NRP1: variants seen among roughly 807,000 people sequenced by gnomAD.
NRP1 encodes the protein neuropilin 1.
NRP1 carries 35 observed loss-of-function variants against 106.7 expected under a neutral mutation model. The ratio of observed to expected loss-of-function variants is 0.33; its 90% CI spans 0.25 to 0.43. The LOEUF (loss-of-function observed/expected upper bound fraction) is 0.43. NRP1 is among the 20% of genes least tolerant of loss of function. The pLI, the probability that NRP1 is intolerant of heterozygous loss-of-function variation, is 1.00. For missense variants in NRP1, 1,024 were observed against 1,170.4 expected (o/e 0.87, Z 1.83); for synonymous variants, 437 against 417.9 (o/e 1.05, Z -0.56).
At chr10:33,282,524 T>G (rs559109276) in intron 2 of NRP1, among the ~76,000 whole-genome samples, 56 of 152,166 alleles carry the variant, frequency 3.7e-4, no homozygotes, top group Non-Finnish European at 7.1e-4. Flanking sequence ...AAATTCTTAT[T>G]TTTTAAAGTT....
At chr10:33,309,711 C>A (rs1383783167) in intron 2 of NRP1, among the ~76,000 whole-genome samples, 1 of 152,210 alleles carries the variant, frequency 6.6e-6, no homozygotes, top group Non-Finnish European at 1.5e-5. Flanking sequence ...CACCCTCTAA[C>A]CTTAATCCAT....
At chr10:33,319,962 G>A (rs546308711) in intron 2 of NRP1, among the ~76,000 whole-genome samples, 1 of 151,444 alleles carries the variant, frequency 6.6e-6, no homozygotes. Flanking sequence ...GCTAGACCGC[G>A]AACCCACCGG....
intron 2 of NRP1, among the ~76,000 whole-genome samples, chr10:33,328,872 T>C (rs1848074913): frequency 6.6e-6 from 1 of 152,226 alleles, no homozygotes; most frequent in African/African-American, 2.4e-5. Flanking sequence ...AGTATTATAT[T>C]ACACGTATTG....
At chr10:33,199,363 T>TATATATATATATATATATATATA (rs57736461) in intron 11 of NRP1, among the ~76,000 whole-genome samples, 1 of 64,502 alleles carries the variant, frequency 1.6e-5, no homozygotes, top group East Asian at 1.6e-3. Flanking sequence ...TGCCTGGCTG[T>TATATATATATATATATATATATA]TTTCTATATA....
chr10:33,225,410 C>CCTGTGTTTTGCT (rs1839580797), intron 7 of NRP1, among the ~76,000 whole-genome samples: 1 of 152,198 alleles, frequency 6.6e-6, no homozygotes, highest in African/African-American at 2.4e-5. Flanking sequence ...TGCTCAGCCT[C>CCTGTGTTTTGCT]CAGGGCAAGC....
rs78567502 is a variant in NRP1 at position 33,267,319 on chromosome 10, A to C, written c.430+3356T>G. 1.5e-3 allele frequency among the ~76,000 whole-genome samples: 225 copies of C among 152,290 alleles called. 4 individuals carry two copies. The East Asian group carries it at 0.039, about 27-fold the overall frequency. ...GAATACAACACAGGAGATGAGCAGG[A>C]GTGAGGCCAACAGCCCTGGGTGCCT... On this transcript the variant is annotated intron_variant, in intron 3 of 16. Transcript: ENST00000374867.
intron 6 of NRP1, among the ~76,000 whole-genome samples, chr10:33,250,830 G>A (rs999052988): frequency 1.3e-5 from 2 of 152,204 alleles, no homozygotes; most frequent in African/African-American, 2.4e-5. Flanking sequence ...TAAAGGATTA[G>A]TGTCGTATGA....
chr10:33,246,878 G>C (rs955451220), intron 6 of NRP1, among the ~76,000 whole-genome samples: 1 of 152,084 alleles, frequency 6.6e-6, no homozygotes, highest in Non-Finnish European at 1.5e-5. Context: ...GTATGCTCTG[G>C]ATCAGTCAAT....
chr10:33,264,115 G>T, intron 3 of NRP1, among the ~76,000 whole-genome samples: 1 of 152,208 alleles, frequency 6.6e-6, no homozygotes, highest in East Asian at 1.9e-4. Context: ...TTCTGCTGTT[G>T]CAGGGAAAAA....
intron 2 of NRP1, among the ~76,000 whole-genome samples, chr10:33,329,594 G>A (rs1053890236): frequency 2.6e-5 from 4 of 152,150 alleles, no homozygotes; most frequent in Non-Finnish European, 4.4e-5. Flanking sequence ...TATCATATAC[G>A]GTTACACCAA....
intron 2 of NRP1, among the ~76,000 whole-genome samples, chr10:33,294,490 C>T (rs892270189): frequency 7.9e-5 from 12 of 152,020 alleles, no homozygotes; most frequent in South Asian, 6.2e-4. Context: ...TGGTGGCACA[C>T]GCCTGTAATC....
intron 2 of NRP1, among the ~76,000 whole-genome samples, chr10:33,329,029 C>G (rs944416370): frequency 1.3e-5 from 2 of 152,076 alleles, no homozygotes. Context: ...AAAGCAAATA[C>G]TAATAACTAC....
chr10:33,197,668 C>T lies in NRP1; in HGVS notation c.1906G>A (p.Asp636Asn), dbSNP rs145594886. The change falls in exon 12 of 17, where the codon GAC becomes AAC. Residue 636 changes from aspartate to asparagine, a missense_variant. Physicochemically the swap from Asp to Asn is conservative, Grantham distance 23. Around this residue, in one of 5 missense-constraint regions of NRP1, gnomAD observed 562 missense variants for 620.3 expected, o/e 0.91. Coordinates refer to ENST00000374867, the MANE Select transcript of NRP1 (RefSeq NM_003873.7). ...TTGATACCTGATTGTATGGTGCTGTCTATGACCGTGGGCTTTTCTGTGGCC... is the reference window on the plus strand; with the variant it reads ...TTGATACCTGATTGTATGGTGCTGTTTATGACCGTGGGCTTTTCTGTGGCC... ...VLATEKPTVIDSTIQSEFPTY... is the reference protein window; with the variant it reads ...VLATEKPTVINSTIQSEFPTY... 94 of 1,606,914 alleles carry T rather than the reference C, an allele frequency of 5.8e-5. No homozygotes were observed. The highest frequency in any genetic ancestry group is 7.6e-5 in the Non-Finnish European group (89 of 1,176,554).
At chr10:33,322,472 A>G (rs112549010) in intron 2 of NRP1, among the ~76,000 whole-genome samples, 7 of 151,992 alleles carry the variant, frequency 4.6e-5, no homozygotes, top group African/African-American at 1.5e-4. Context: ...CAAACTCCAA[A>G]CTCCTGGCCT....
At chr10:33,309,050 T>A (rs1846377612) in intron 2 of NRP1, among the ~76,000 whole-genome samples, 1 of 152,202 alleles carries the variant, frequency 6.6e-6, no homozygotes, top group African/African-American at 2.4e-5. Context: ...CACTTTTTAA[T>A]GTAATAAAAA....
intron 7 of NRP1, among the ~76,000 whole-genome samples, chr10:33,225,413 G>GCAAATTCCT (rs1839581250): frequency 6.6e-6 from 1 of 152,200 alleles, no homozygotes; most frequent in African/African-American, 2.4e-5. Context: ...TCAGCCTCCA[G>GCAAATTCCT]GGCAAGCTTT....
chr10:33,274,923 G>A (rs192173217), intron 2 of NRP1, among the ~76,000 whole-genome samples: 6 of 152,136 alleles, frequency 3.9e-5, no homozygotes, highest in Admixed American at 2.6e-4. Context: ...TATTTTGCAC[G>A]AGCATTAATA....
At chr10:33,223,224 C>G (rs1176454031) in intron 7 of NRP1, among the ~76,000 whole-genome samples, 1 of 152,202 alleles carries the variant, frequency 6.6e-6, no homozygotes, top group Non-Finnish European at 1.5e-5. Flanking sequence ...TTCCCAAGTC[C>G]TGCTCTTCCA....
intron 4 of NRP1, among the ~76,000 whole-genome samples, chr10:33,259,964 C>T (rs1842464070): frequency 6.6e-6 from 1 of 152,168 alleles, no homozygotes; most frequent in Non-Finnish European, 1.5e-5. Flanking sequence ...AAGTGATCCT[C>T]CCACTTCAGT....
Sources: allele counts gnomAD v4.1 joint callset (sites outside exome capture counted in the v4.1 genomes callset), GRCh38; gene constraint gnomAD v4.1.1; regional missense constraint gnomAD v4.1.1; transcripts MANE v1.5; gene names NCBI Gene and HGNC (gene_info 2026-07-23, HGNC 2026-07-21).